Variants in CCDC7 observed in about 807,000 individuals in gnomAD.
CCDC7 encodes the protein coiled-coil domain containing 7.
In CCDC7, 183 loss-of-function variants were observed where a neutral mutation model predicts 196.9. That is an observed-to-expected ratio of 0.93 (90% CI 0.82 to 1.05). CCDC7 has a LOEUF of 1.05. Ranked by LOEUF, CCDC7 falls within the 50% of genes least tolerant of loss-of-function variation. The pLI is 0.00. For missense variants in CCDC7, 1,540 were observed against 1,482.2 expected (o/e 1.04, Z -0.64); for synonymous variants, 525 against 484.6 (o/e 1.08, Z -1.10).
intron 16 of CCDC7, among the ~76,000 whole-genome samples, chr10:32,575,972 C>G (rs2058140000): frequency 6.6e-6 from 1 of 152,086 alleles, no homozygotes; most frequent in Non-Finnish European, 1.5e-5. Context: ...TTTTTCCTGG[C>G]CAAGCACAGA....
intron 12 of CCDC7, 43 bp downstream of exon 13, chr10:32,543,428 T>C: frequency 8.0e-7 from 1 of 1,246,198 alleles, no homozygotes; most frequent in South Asian, 2.0e-5. Context: ...TCCTTGTTAA[T>C]TTATATTTTC....
At chr10:32,864,950 C>G (rs1032828551) in intron 41 of CCDC7, among the ~76,000 whole-genome samples, 9 of 151,876 alleles carry the variant, frequency 5.9e-5, no homozygotes, top group Non-Finnish European at 1.3e-4. Flanking sequence ...AATTCTATCT[C>G]AAATCATGCA....
At chr10:32,618,522 C>T (rs545408681) in intron 18 of CCDC7, among the ~76,000 whole-genome samples, 1 of 152,012 alleles carries the variant, frequency 6.6e-6, no homozygotes, top group Non-Finnish European at 1.5e-5. Flanking sequence ...ATTTGCTTAT[C>T]TGAGAAAGAC....
chr10:32,813,714 T>C (rs2087692734), intron 30 of CCDC7, among the ~76,000 whole-genome samples: 1 of 152,188 alleles, frequency 6.6e-6, no homozygotes, highest in Non-Finnish European at 1.5e-5. Context: ...CCTAGGATGA[T>C]TTCAATTTGC....
intron 13 of CCDC7, among the ~76,000 whole-genome samples, chr10:32,559,810 A>C (rs1439982169): frequency 6.6e-6 from 1 of 152,222 alleles, no homozygotes; most frequent in Non-Finnish European, 1.5e-5. Context: ...CAATGGAAGA[A>C]AGCTGGATGG....
intron 8 of CCDC7, among the ~76,000 whole-genome samples, chr10:32,485,572 T>C (rs958010597): frequency 6.6e-6 from 1 of 152,226 alleles, no homozygotes; most frequent in African/African-American, 2.4e-5. Context: ...CTCTAGTTCT[T>C]TTAATTGTGA....
intron 11 of CCDC7, among the ~76,000 whole-genome samples, chr10:32,521,600 T>G (rs946659098): frequency 4.7e-5 from 7 of 150,224 alleles, no homozygotes; most frequent in Non-Finnish European, 1.0e-4. Flanking sequence ...TTTTGGCCAG[T>G]CTTTAGATTT....
At chr10:32,478,047 C>T (rs1026736933) in intron 8 of CCDC7, among the ~76,000 whole-genome samples, 1 of 152,044 alleles carries the variant, frequency 6.6e-6, no homozygotes, top group South Asian at 2.1e-4. Flanking sequence ...ATATAGATCT[C>T]GTACATATTT....
chr10:32,667,164 C>G (rs1318399480), intron 21 of CCDC7, among the ~76,000 whole-genome samples: 1 of 152,106 alleles, frequency 6.6e-6, no homozygotes, highest in Non-Finnish European at 1.5e-5. Flanking sequence ...GCATAAATGT[C>G]TTCTTTTGAG....
intron 20 of CCDC7, among the ~76,000 whole-genome samples, chr10:32,662,075 T>C (rs530881743): frequency 6.6e-6 from 1 of 152,160 alleles, no homozygotes; most frequent in Non-Finnish European, 1.5e-5. Flanking sequence ...TTGGCCTCTC[T>C]CCATAGGTGG....
intron 9 of CCDC7, among the ~76,000 whole-genome samples, chr10:32,504,112 C>T (rs1473106094): frequency 8.1e-6 from 1 of 122,990 alleles, no homozygotes; most frequent in Non-Finnish European, 1.7e-5. Context: ...TTATTTATTG[C>T]TGGTTTTTTT....
At chr10:32,657,877 T>G (rs1256513961) in intron 20 of CCDC7, among the ~76,000 whole-genome samples, 2 of 152,224 alleles carry the variant, frequency 1.3e-5, no homozygotes, top group African/African-American at 4.8e-5. Context: ...AGAAATTTCT[T>G]CTGCCAGATA....
At chr10:32,588,887 C>T (rs533184297) in intron 18 of CCDC7, among the ~76,000 whole-genome samples, 12 of 151,256 alleles carry the variant, frequency 7.9e-5, no homozygotes, top group Non-Finnish European at 1.6e-4. Context: ...TTCTGGGTAC[C>T]TAGTTGGTGT....
rs567621823 is a variant in CCDC7, at chr10:32,642,087, T to C, written c.2014+6929T>C. 6.6e-5 allele frequency among the ~76,000 whole-genome samples: 10 copies of C among 152,312 alleles called. No homozygotes were observed. In the East Asian group the frequency reaches 1.9e-3, roughly 29 times the overall value. On this transcript the variant is annotated intron_variant, in intron 20 of 41. Transcript: ENST00000639629. The stretch of plus-strand genomic sequence containing the variant: ...ACTGGGGGGTGCCTCCCAGTTAGGC[T>C]ACTCGGGTCAGGGACCCACTTGAGG...
chr10:32,528,809 T>TA (rs2049165222), intron 11 of CCDC7, among the ~76,000 whole-genome samples: 1 of 136,266 alleles, frequency 7.3e-6, no homozygotes, highest in African/African-American at 2.9e-5. Flanking sequence ...ATATATATAT[T>TA]TATATTTTCT....
intron 20 of CCDC7, among the ~76,000 whole-genome samples, chr10:32,659,943 A>G (rs964824789): frequency 6.6e-6 from 1 of 152,142 alleles, no homozygotes; most frequent in African/African-American, 2.4e-5. Flanking sequence ...AAAAACAGAA[A>G]TAGCATTTAG....
intron 20 of CCDC7, among the ~76,000 whole-genome samples, chr10:32,660,179 G>A (rs867470634): frequency 6.7e-6 from 1 of 148,304 alleles, no homozygotes; most frequent in South Asian, 2.2e-4. Flanking sequence ...CATTGTGCAG[G>A]TTAGTTACAT....
At chr10:32,724,901 G>A (rs1239688335) in intron 25 of CCDC7, among the ~76,000 whole-genome samples, 3 of 152,094 alleles carry the variant, frequency 2.0e-5, no homozygotes, top group Non-Finnish European at 4.4e-5. Context: ...GTTACATCCA[G>A]TGTGGGATGG....
At chr10:32,719,488 C>A (rs954249758) in intron 25 of CCDC7, among the ~76,000 whole-genome samples, 7 of 152,060 alleles carry the variant, frequency 4.6e-5, no homozygotes, top group Non-Finnish European at 2.9e-5. Flanking sequence ...GACTAAACAC[C>A]AAAGGCAATT....
Sources: allele counts gnomAD v4.1 joint callset (sites outside exome capture counted in the v4.1 genomes callset), GRCh38; gene constraint gnomAD v4.1.1; transcripts MANE v1.5; gene names NCBI Gene and HGNC (gene_info 2026-07-23, HGNC 2026-07-21).